Variants in VCAM1 observed in about 807,000 individuals in gnomAD.
VCAM1 encodes the protein vascular cell adhesion molecule 1.
VCAM1 carries 41 observed loss-of-function variants against 63.8 expected under a neutral mutation model. The observed-to-expected ratio is 0.64, with a 90% CI of 0.50 to 0.83. VCAM1 has a LOEUF of 0.83. Among genes scored for constraint, VCAM1 ranks in the 40% least tolerant of loss-of-function variants. The pLI is 0.00. For synonymous variants in VCAM1, 338 were observed against 320.7 expected (o/e 1.05, Z -0.58); for missense variants, 798 against 875.5 (o/e 0.91, Z 1.12).
chr1:100,730,015 G>A lies in VCAM1; in HGVS notation c.1204+633G>A, dbSNP rs79092751. Among the ~76,000 whole-genome samples the A allele has an allele frequency of 2.9e-4, 44 of 152,210 alleles. No homozygotes were observed. In the East Asian group the frequency reaches 8.5e-3, roughly 29 times the overall value. On this transcript the variant is annotated intron_variant, in intron 5 of 8. Transcript: ENST00000294728. ...ATTCTTTGCAACCTCAAATCTCTAT[G>A]AACTTGACATTGCTGGAGTTCCTCA...
chr1:100,733,025 G>A (rs1161206605), intron 7 of VCAM1, among the ~76,000 whole-genome samples: 1 of 152,204 alleles, frequency 6.6e-6, no homozygotes, highest in Non-Finnish European at 1.5e-5. Flanking sequence ...TAGGATTAAA[G>A]CTACCATATC....
chr1:100,725,423 G>C (rs1386441208), intron 4 of VCAM1, among the ~76,000 whole-genome samples: 1 of 152,004 alleles, frequency 6.6e-6, no homozygotes, highest in Non-Finnish European at 1.5e-5. Context: ...CTAAACACCA[G>C]ATAGGTTTCT....
At position 100,724,846 on chromosome 1, in the gene VCAM1, A is replaced by G. The variant is rs1319384507; in HGVS notation, c.884A>G (p.Asn295Ser). ...GGAATTTATGTGTGTGAAGGAGTTA[A>G]TTTGATTGGGAAAAACAGAAAAGAG... Reference protein sequence around the residue: ...DSGIYVCEGVNLIGKNRKEVE... With the variant: ...DSGIYVCEGVSLIGKNRKEVE... The change falls in exon 4 of 9, where the codon AAT (asparagine) becomes AGT (serine). Residue 295 changes from asparagine to serine, a missense_variant. Coordinates refer to ENST00000294728, the MANE Select transcript of VCAM1 (RefSeq NM_001078.4). The G allele has an allele frequency of 6.2e-7, 1 of 1,612,756 alleles. No individual in the cohort carries two copies. Among genetic ancestry groups the G allele is most frequent in the African/African-American group, 1.3e-5 (1 of 74,834 alleles).
rs767369724 is a variant in VCAM1 at position 100,738,200 on chromosome 1, A to G, written c.2137A>G (p.Ile713Val). 8 of 1,613,788 alleles carry G rather than the reference A, an allele frequency of 5.0e-6. No homozygotes were observed. Among genetic ancestry groups the G allele is most frequent in the African/African-American group, 1.3e-5 (1 of 74,934 alleles). Residue 713 changes from isoleucine to valine, a missense_variant, in exon 9 of 9, where the codon ATT becomes GTT. Coordinates refer to ENST00000294728, the MANE Select transcript of VCAM1 (RefSeq NM_001078.4). ...TGCATCCTCCTTAATAATACCTGCC[A>G]TTGGAATGATAATTTACTTTGCAAG... ...YFASSLIIPA[I>V]GMIIYFARKA...
chr1:100,727,641 C>G (rs900410914), intron 4 of VCAM1, among the ~76,000 whole-genome samples: 6 of 152,064 alleles, frequency 3.9e-5, no homozygotes, highest in African/African-American at 1.4e-4. Context: ...AAAAGAGTTA[C>G]TCCTCCAATG....
Position 100,731,250 on chromosome 1 carries a change from C to G in VCAM1, c.1257C>G (p.Ser419Arg). Residue 419 changes from serine (S) to arginine (R), a missense_variant, in exon 6 of 9, where the codon AGC (serine) becomes AGG (arginine). Coordinates refer to ENST00000294728, the MANE Select transcript of VCAM1 (RefSeq NM_001078.4). The surrounding 1 kb of genome is among the most constrained non-coding windows in gnomAD (Gnocchi z 4.2). ...TGAGTGGTGGCCTCGTGAATGGGAG[C>G]TCTGTCACTGTAAGCTGCAAGGTTC... ...IEMSGGLVNGSSVTVSCKVPS... is the reference protein window; with the variant it reads ...IEMSGGLVNGRSVTVSCKVPS... 1.2e-6 allele frequency: 2 copies of G among 1,613,478 alleles called. No homozygotes were observed. The highest frequency in any genetic ancestry group is 1.7e-6 in the Non-Finnish European group (2 of 1,179,688).
rs1660741425 is a variant in VCAM1, at chr1:100,738,559, T to G, written c.*276T>G. 4.8e-6 allele frequency: 1 copy of G among 208,230 alleles called. No homozygotes were observed. The highest frequency in any genetic ancestry group is 1.7e-4 in the South Asian group (1 of 5,886). 12.9% of individuals were successfully genotyped at this position (208,230 alleles called of 1,614,324 possible). ...TAATTTGTACATATGTAAAATAAAA[T>G]TATGCCATAGCAAGATTGCTTAAAA... On this transcript the variant is annotated 3_prime_UTR_variant, in exon 9 of 9. Coordinates refer to ENST00000294728, the MANE Select transcript of VCAM1 (RefSeq NM_001078.4).
intron 8 of VCAM1, chr1:100,735,861 A>G (rs749387287): frequency 1.6e-4 from 24 of 152,204 alleles, no homozygotes; most frequent in Non-Finnish European, 2.8e-4. Flanking sequence ...TGAAGTTACT[A>G]TGTGTTCAAA....
chr1:100,728,662 C>CAAAGAAG (rs1381363623), intron 4 of VCAM1, among the ~76,000 whole-genome samples: 1 of 149,572 alleles, frequency 6.7e-6, no homozygotes, highest in Non-Finnish European at 1.5e-5. Flanking sequence ...AAAGAGAAGG[C>CAAAGAAG]AAAGAAGAAA....
At chr1:100,724,381 A>G (rs926704212) in intron 3 of VCAM1, among the ~76,000 whole-genome samples, 4 of 152,072 alleles carry the variant, frequency 2.6e-5, no homozygotes, top group African/African-American at 9.7e-5. Context: ...GTTAAGCCAC[A>G]TGGTTTTTCT....
rs1433249645 is a variant in VCAM1, at chr1:100,720,622, G to T, written c.211G>T (p.Val71Leu). 4.3e-6 allele frequency: 7 copies of T among 1,613,226 alleles called. No individual in the cohort carries two copies. The highest frequency in any genetic ancestry group is 5.1e-6 in the Non-Finnish European group (6 of 1,179,520). ...GATAGATAGTCCACTGAATGGGAAGGTGACGAATGAGGGGACCACATCTAC... is the reference window on the plus strand; with the variant it reads ...GATAGATAGTCCACTGAATGGGAAGTTGACGAATGAGGGGACCACATCTAC... ...TQIDSPLNGK[V>L]TNEGTTSTLT... The change falls in exon 2 of 9, where the codon GTG becomes TTG. Residue 71 changes from valine (V) to leucine (L), a missense_variant. Transcript: ENST00000294728.
intron 8 of VCAM1, chr1:100,735,288 A>G (rs1043741132): frequency 6.5e-6 from 1 of 154,278 alleles, no homozygotes; most frequent in Admixed American, 6.4e-5. Context: ...TAAAATTCCA[A>G]CCCACTTGCC....
At chr1:100,736,137 T>C (rs1474396592) in intron 8 of VCAM1, 5 of 152,200 alleles carry the variant, frequency 3.3e-5, no homozygotes, top group African/African-American at 9.6e-5. Context: ...CAAACCTGCT[T>C]CTCTACTTTT....
At chr1:100,733,496 C>A (rs1475811225) in intron 7 of VCAM1, among the ~76,000 whole-genome samples, 4 of 152,062 alleles carry the variant, frequency 2.6e-5, no homozygotes, top group African/African-American at 7.2e-5. Flanking sequence ...CAATACACAT[C>A]CTTAAAAAAC....
chr1:100,726,416 A>C (rs1167855449), intron 4 of VCAM1, among the ~76,000 whole-genome samples: 2 of 152,074 alleles, frequency 1.3e-5, no homozygotes, highest in Admixed American at 6.6e-5. Flanking sequence ...TAAAACTGTC[A>C]CACAGAACTC....
rs3917043 is a variant in VCAM1 at position 100,727,784 on chromosome 1, G to A, written c.929-1323G>A. On this transcript the variant is annotated intron_variant, in intron 4 of 8. Coordinates refer to ENST00000294728, the MANE Select transcript of VCAM1 (RefSeq NM_001078.4). ...GCATATAAAAAATTCAGAAGCTCTG[G>A]TTGTTTTTGTGAATGAGCTCTCTTT... 4.8e-3 allele frequency among the ~76,000 whole-genome samples: 723 copies of A among 152,130 alleles called. 3 individuals are homozygous for A. The highest frequency in any genetic ancestry group is 0.011 in the African/African-American group (457 of 41,534).
intron 4 of VCAM1, 39 bp from the exon 5 acceptor site, chr1:100,729,068 C>G: frequency 1.4e-6 from 2 of 1,479,032 alleles, no homozygotes; most frequent in Non-Finnish European, 1.8e-6. Context: ...AGAAAAGAAT[C>G]TTATGTTCTT....
At chr1:100,728,185 T>C (rs1660246724) in intron 4 of VCAM1, among the ~76,000 whole-genome samples, 1 of 152,074 alleles carries the variant, frequency 6.6e-6, no homozygotes, top group Non-Finnish European at 1.5e-5. Flanking sequence ...TCCTGGATAT[T>C]TGAGTCTTAG....
At chr1:100,725,137 C>T (rs894228745) in intron 4 of VCAM1, among the ~76,000 whole-genome samples, 1 of 151,572 alleles carries the variant, frequency 6.6e-6, no homozygotes, top group African/African-American at 2.4e-5. Context: ...TGCTTCATTC[C>T]CTCACTTTCT....
Sources: allele counts gnomAD v4.1 joint callset (sites outside exome capture counted in the v4.1 genomes callset), GRCh38; gene constraint gnomAD v4.1.1; non-coding constraint Gnocchi (gnomAD v3.1); transcripts MANE v1.5; gene names NCBI Gene and HGNC (gene_info 2026-07-23, HGNC 2026-07-21).